The following RASEF variants were observed in gnomAD, a reference collection of about 807,000 sequenced individuals.
The protein encoded by RASEF is ras and EF-hand domain-containing protein.
In RASEF, 68 loss-of-function variants were observed where a neutral mutation model predicts 90.1. The observed-to-expected ratio is 0.75, with a 90% CI of 0.62 to 0.92. The LOEUF is 0.92. RASEF is among the 40% of genes least tolerant of loss of function. The probability of loss-of-function intolerance (pLI) is 0.00; values close to 1 mark genes in which losing one functional copy is unlikely to be tolerated. For synonymous variants in RASEF, 331 were observed against 345.2 expected (o/e 0.96, Z 0.46); for missense variants, 949 against 937.2 (o/e 1.01, Z -0.16).
At chr9:83,019,389 TAG>T (rs1829402737) in intron 3 of RASEF, among the ~76,000 whole-genome samples, 1 of 152,110 alleles carries the variant, frequency 6.6e-6, no homozygotes, top group African/African-American at 2.4e-5. Flanking sequence ...AACTAGTCAT[TAG>T]AGAGATGCAA....
At chr9:83,123,913 A>G in the RASEF span, among the ~76,000 whole-genome samples, 1 of 152,250 alleles carries the variant, frequency 6.6e-6, no homozygotes, top group African/African-American at 2.4e-5. Flanking sequence ...CATCTCCAGA[A>G]GTTTTCATAA....
the RASEF span, among the ~76,000 whole-genome samples, chr9:83,118,063 G>T: frequency 6.6e-6 from 1 of 151,870 alleles, no homozygotes; most frequent in Non-Finnish European, 1.5e-5. Context: ...TACTCCAAAG[G>T]GTGCTTAATA....
rs1038372835 is a variant in RASEF, at chr9:83,063,131, C to T, written c.-264G>A. On this transcript the variant is annotated 5_prime_UTR_variant, in exon 1 of 17. Transcript: ENST00000376447. ...GGGCTCCAGGCACCGCCAAGGAGCG[C>T]CTCCTGCGACTGAGCGCCCAAGCGC... The T allele has an allele frequency of 1.1e-5, 5 of 438,238 alleles. No homozygotes were observed. The highest frequency in any genetic ancestry group is 2.0e-5 in the Non-Finnish European group (5 of 250,740). The allele number at this position is 438,238 out of a possible 1,614,324, so 27.1% of individuals were successfully genotyped here.
At chr9:83,033,610 C>T (rs1380744464) in intron 1 of RASEF, among the ~76,000 whole-genome samples, 1 of 152,106 alleles carries the variant, frequency 6.6e-6, no homozygotes, top group East Asian at 1.9e-4. Flanking sequence ...GGATGGGAAG[C>T]CATGGCAAGA....
chr9:83,195,612 G>C, the RASEF span, among the ~76,000 whole-genome samples: 1 of 152,108 alleles, frequency 6.6e-6, no homozygotes, highest in African/African-American at 2.4e-5. Flanking sequence ...CTGCCCTCAT[G>C]GAGCTTACAT....
intron 3 of RASEF, among the ~76,000 whole-genome samples, 170 bp from the exon 4 acceptor site, chr9:83,016,070 C>G (rs973480871): frequency 6.6e-6 from 1 of 152,172 alleles, no homozygotes; most frequent in Non-Finnish European, 1.5e-5. Context: ...AGATGTACCA[C>G]AATTTTGGAA....
the RASEF span, among the ~76,000 whole-genome samples, chr9:83,101,350 T>G: frequency 6.6e-6 from 1 of 152,124 alleles, no homozygotes; most frequent in Non-Finnish European, 1.5e-5. Context: ...GTGCGGACAT[T>G]GCAGGGCCAA....
chr9:83,021,635 G>A (rs1829446656), intron 3 of RASEF, among the ~76,000 whole-genome samples: 1 of 152,094 alleles, frequency 6.6e-6, no homozygotes, highest in Admixed American at 6.5e-5. Context: ...ATTTTAAGCA[G>A]TAAAAGTGAT....
the RASEF span, among the ~76,000 whole-genome samples, chr9:83,160,116 C>T: frequency 6.6e-6 from 1 of 152,082 alleles, no homozygotes; most frequent in African/African-American, 2.4e-5. Context: ...CAAACTAATA[C>T]AATAAATTGG....
intron 16 of RASEF, 147 bp from the exon 17 acceptor site, chr9:82,982,929 T>C (rs1428653960): frequency 1.6e-6 from 1 of 610,840 alleles, no homozygotes; most frequent in Non-Finnish European, 2.9e-6. Context: ...ATTGTTTTAA[T>C]GCTTTATAGG....
chr9:82,982,831 GA>G, intron 16 of RASEF, 49 bp from the exon 17 acceptor site: 1 of 1,008,226 alleles, frequency 9.9e-7, no homozygotes. Flanking sequence ...GAGAGAGAGA[GA>G]GGATTACTGA....
At chr9:83,185,080 C>T in the RASEF span, among the ~76,000 whole-genome samples, 1 of 152,060 alleles carries the variant, frequency 6.6e-6, no homozygotes, top group Non-Finnish European at 1.5e-5. Flanking sequence ...GCTTACAAAC[C>T]ACTGCTTTCT....
chr9:83,048,864 C>G (rs1829982034), intron 1 of RASEF: 1 of 678,578 alleles, frequency 1.5e-6, no homozygotes, highest in South Asian at 6.6e-5. Flanking sequence ...TGCAGTGGCT[C>G]ACGCCTGTCA....
At chr9:83,086,532 C>T in the RASEF span, among the ~76,000 whole-genome samples, 1 of 152,162 alleles carries the variant, frequency 6.6e-6, no homozygotes, top group African/African-American at 2.4e-5. Context: ...TCTAGATCAG[C>T]AGTTTGGGTT....
chr9:83,173,493 T>G, the RASEF span, among the ~76,000 whole-genome samples: 5 of 151,716 alleles, frequency 3.3e-5, no homozygotes, highest in African/African-American at 1.2e-4. Flanking sequence ...CTAATTCCTT[T>G]CTTCTGCTTG....
intron 1 of RASEF, among the ~76,000 whole-genome samples, chr9:83,059,127 T>C (rs933500048): frequency 6.6e-6 from 1 of 151,158 alleles, no homozygotes; most frequent in Non-Finnish European, 1.5e-5. Context: ...TCTAAGTTAA[T>C]TTATCAGCAT....
chr9:83,102,503 A>C, the RASEF span, among the ~76,000 whole-genome samples: 1 of 152,206 alleles, frequency 6.6e-6, no homozygotes, highest in Non-Finnish European at 1.5e-5. Flanking sequence ...GGGGGTTACA[A>C]ATATGTTTTA....
chr9:83,063,086 G>A lies in RASEF; in HGVS notation c.-219C>T, dbSNP rs561534412. 1.0e-5 allele frequency: 5 copies of A among 493,688 alleles called. No individual in the cohort carries two copies. In the South Asian group the frequency reaches 1.2e-4, roughly 12 times the overall value. The allele number at this position is 493,688 out of a possible 1,614,324, so 30.6% of individuals were successfully genotyped here. On this transcript the variant is annotated 5_prime_UTR_variant, in exon 1 of 17. Coordinates refer to ENST00000376447, the MANE Select transcript of RASEF (RefSeq NM_152573.4). Reference sequence around the variant, plus strand: ...TTCGGGCCAGCCCCCAACAGGTCCCGGGAGCGGTGGGGTGCGCCCGGGCTC... The same window carrying A: ...TTCGGGCCAGCCCCCAACAGGTCCCAGGAGCGGTGGGGTGCGCCCGGGCTC...
At chr9:83,057,199 C>A (rs1180606289) in intron 1 of RASEF, among the ~76,000 whole-genome samples, 1 of 152,092 alleles carries the variant, frequency 6.6e-6, no homozygotes, top group Admixed American at 6.6e-5. Flanking sequence ...AGCAATCAGG[C>A]AAGAGAAAGA....
Sources: gnomAD v4.1 joint callset for allele counts (sites outside exome capture counted in the v4.1 genomes callset) on GRCh38, gnomAD v4.1.1 for gene constraint, MANE v1.5 for transcripts, NCBI Gene and HGNC (gene_info 2026-07-23, HGNC 2026-07-21) for gene names.